Variants in NUDCD1 observed in about 807,000 individuals in gnomAD.
The protein encoded by NUDCD1 is NudC domain containing 1.
NUDCD1 carries 60 observed loss-of-function variants against 67.8 expected under a neutral mutation model. The ratio of observed to expected loss-of-function variants is 0.88; its 90% CI spans 0.72 to 1.10. The LOEUF (loss-of-function observed/expected upper bound fraction) is 1.10, where lower values mean the gene tolerates loss of function less well. Among genes scored for constraint, NUDCD1 ranks in the 50% least tolerant of loss-of-function variants. NUDCD1 has a pLI of 0.00. For synonymous variants in NUDCD1, 244 were observed against 230.8 expected, an observed-to-expected ratio of 1.06 and a Z score of -0.52; for missense variants, 643 against 695.0, an observed-to-expected ratio of 0.93 and a Z score of 0.84.
chr8:109,263,067 A>AC, intron 8 of NUDCD1, among the ~76,000 whole-genome samples: 1 of 150,210 alleles, frequency 6.7e-6, no homozygotes, highest in South Asian at 2.1e-4. Context: ...AAAAAAAAAA[A>AC]AAAAAAAAAA....
rs1287441973 is a variant in NUDCD1 at position 109,254,770 on chromosome 8, T to C, written c.1300-9289A>G. Reference sequence around the variant, plus strand: ...GTCAAAGTGAAGACATTTAGACAACTTTTAATCACTTCTAATACCAAATTA... The same window carrying C: ...GTCAAAGTGAAGACATTTAGACAACCTTTAATCACTTCTAATACCAAATTA... On this transcript the variant is annotated intron_variant, in intron 8 of 9. Coordinates refer to ENST00000239690, the MANE Select transcript of NUDCD1 (RefSeq NM_032869.4). Among the ~76,000 whole-genome samples, 5 of 152,080 alleles carry C rather than the reference T, an allele frequency of 3.3e-5. No individual in the cohort carries two copies. In the East Asian group the frequency reaches 9.6e-4, roughly 29 times the overall value.
At chr8:109,260,587 A>C (rs1186079913) in intron 8 of NUDCD1, among the ~76,000 whole-genome samples, 1 of 152,258 alleles carries the variant, frequency 6.6e-6, no homozygotes. Flanking sequence ...ATCAAATGCA[A>C]TATGAGCCAA....
At position 109,299,638 on chromosome 8, in the gene NUDCD1, T is replaced by A. The variant is rs150516093; in HGVS notation, c.274-3069A>T. 1.8e-3 allele frequency among the ~76,000 whole-genome samples: 269 copies of A among 152,218 alleles called. 1 individual carries two copies. Among genetic ancestry groups the A allele is most frequent in the African/African-American group, 6.2e-3 (258 of 41,524 alleles). The stretch of plus-strand genomic sequence containing the variant: ...GCCTGAGCTCAGACACGCCTAGCCC[T>A]GCCCCCACCCAATGGTCCTTCCCTA... On this transcript the variant is annotated intron_variant, in intron 2 of 9. Transcript: ENST00000239690.
chr8:109,321,940 T>C (rs1586310797), intron 2 of NUDCD1, among the ~76,000 whole-genome samples: 1 of 152,142 alleles, frequency 6.6e-6, no homozygotes, highest in Middle Eastern at 3.2e-3. Flanking sequence ...TAAATGTTTG[T>C]ACCAATTAAC....
chr8:109,301,300 AG>A (rs1249910465), intron 2 of NUDCD1, among the ~76,000 whole-genome samples: 1 of 152,184 alleles, frequency 6.6e-6, no homozygotes, highest in East Asian at 1.9e-4. Context: ...GCCCTTAAGA[AG>A]GTACTTTGTA....
At chr8:109,331,117 T>C (rs1177037050) in intron 1 of NUDCD1, among the ~76,000 whole-genome samples, 1 of 151,284 alleles carries the variant, frequency 6.6e-6, no homozygotes, top group Admixed American at 6.6e-5. Context: ...CCGAGGCAGG[T>C]GGATCGCGAG....
chr8:109,324,960 C>T (rs1005368600), intron 1 of NUDCD1, among the ~76,000 whole-genome samples: 3 of 152,018 alleles, frequency 2.0e-5, no homozygotes, highest in Non-Finnish European at 2.9e-5. Flanking sequence ...TGTGACAGTG[C>T]GTGCCTGTAA....
At chr8:109,296,298 T>A (rs1586287244) in intron 3 of NUDCD1, 86 bp downstream of exon 3, 1 of 1,061,232 alleles carries the variant, frequency 9.4e-7, no homozygotes, top group East Asian at 2.4e-5. Context: ...ATGTAAACCA[T>A]CCTTGAAAAG....
At chr8:109,245,975 A>T (rs920525101) in intron 8 of NUDCD1, among the ~76,000 whole-genome samples, 12 of 152,168 alleles carry the variant, frequency 7.9e-5, no homozygotes, top group Admixed American at 7.2e-4. Context: ...AGATTCTCAC[A>T]GGAGGGTGAA....
chr8:109,322,416 T>G lies in NUDCD1; in HGVS notation c.166A>C (p.Met56Leu). ...LRDDQYTLEH[M>L]HAFGMYNYLH... is the part of the protein sequence containing the mutation. ...TAATTATACATTCCAAAAGCATGCA[T>G]GTGTTCCAGTGTATATTGATCATCT... The change falls in exon 2 of 10, where the codon ATG (methionine) becomes CTG (leucine). Residue 56 changes from methionine (M) to leucine (L), a missense_variant. Physicochemically the swap from Met to Leu is conservative, Grantham distance 15. Coordinates refer to ENST00000239690, the MANE Select transcript of NUDCD1 (RefSeq NM_032869.4). 1.9e-6 allele frequency: 3 copies of G among 1,606,802 alleles called. No individual in the cohort carries two copies. Among genetic ancestry groups the G allele is most frequent in the Non-Finnish European group, 2.6e-6 (3 of 1,174,256 alleles).
intron 8 of NUDCD1, among the ~76,000 whole-genome samples, chr8:109,252,006 G>A (rs1467222305): frequency 6.6e-6 from 1 of 151,902 alleles, no homozygotes. Flanking sequence ...TAATTCATAG[G>A]TTACTCAGTT....
intron 2 of NUDCD1, among the ~76,000 whole-genome samples, chr8:109,306,411 C>T (rs1196756473): frequency 6.6e-6 from 1 of 152,178 alleles, no homozygotes; most frequent in Non-Finnish European, 1.5e-5. Flanking sequence ...CGTTTCTAAT[C>T]CTTCTTTAAG....
chr8:109,257,248 T>C (rs184929728), intron 8 of NUDCD1, among the ~76,000 whole-genome samples: 48 of 152,246 alleles, frequency 3.2e-4, no homozygotes, highest in African/African-American at 1.1e-3. Context: ...ACTGAAATCT[T>C]GGAGTATCTA....
Position 109,257,677 on chromosome 8 carries a change from G to A in NUDCD1, c.1300-12196C>T, listed in dbSNP as rs895982645. On this transcript the variant is annotated intron_variant, in intron 8 of 9. Coordinates refer to ENST00000239690, the MANE Select transcript of NUDCD1 (RefSeq NM_032869.4). ...TCTGAACGGAAACTCCCTGTAACGC[G>A]ACAGTAATCAAGCCAGTATAGTACT... 1.4e-4 allele frequency among the ~76,000 whole-genome samples: 21 copies of A among 152,120 alleles called. No homozygotes were observed. The East Asian group carries it at 2.7e-3, about 20-fold the overall frequency.
Position 109,242,468 on chromosome 8 carries a change from AC to A in NUDCD1, c.*540del, listed in dbSNP as rs1319164926. 1.7e-5 allele frequency: 4 copies of A among 239,122 alleles called. No homozygotes were observed. Among genetic ancestry groups the A allele is most frequent in the Non-Finnish European group, 3.2e-5 (4 of 126,010 alleles). 14.8% of individuals were successfully genotyped at this position (239,122 alleles called of 1,614,324 possible). A position where few individuals can be genotyped will look rare whatever the true frequency, so the allele number is the denominator to read the frequency against. ...GTGGCAGAGCAACTGGCTAAAAGTT[AC>A]ATAAAGCTATACTTAATTTGAAAAT... is the stretch of plus-strand genomic sequence containing the variant. On this transcript the variant is annotated 3_prime_UTR_variant, in exon 10 of 10. Transcript: ENST00000239690.
intron 2 of NUDCD1, among the ~76,000 whole-genome samples, chr8:109,302,637 T>TA (rs1325662170): frequency 6.6e-6 from 1 of 152,174 alleles, no homozygotes; most frequent in East Asian, 1.9e-4. Context: ...GATTTCCTCT[T>TA]AGAGGTGGCT....
chr8:109,302,331 C>T (rs190562659), intron 2 of NUDCD1, among the ~76,000 whole-genome samples: 1 of 152,266 alleles, frequency 6.6e-6, no homozygotes, highest in East Asian at 1.9e-4. Context: ...TTCTTTTACA[C>T]ATCGGTCCCT....
chr8:109,258,323 G>A (rs1813785370), intron 8 of NUDCD1, among the ~76,000 whole-genome samples: 1 of 151,918 alleles, frequency 6.6e-6, no homozygotes, highest in East Asian at 1.9e-4. Flanking sequence ...CACAAATAAG[G>A]TCATTGTATT....
At chr8:109,299,728 G>A (rs1814933150) in intron 2 of NUDCD1, among the ~76,000 whole-genome samples, 1 of 152,128 alleles carries the variant, frequency 6.6e-6, no homozygotes, top group Admixed American at 6.6e-5. Context: ...CATCCACTGT[G>A]TGTTCCTCCC....
Sources: allele counts gnomAD v4.1 joint callset (sites outside exome capture counted in the v4.1 genomes callset), GRCh38; gene constraint gnomAD v4.1.1; transcripts MANE v1.5; gene names NCBI Gene and HGNC (gene_info 2026-07-23, HGNC 2026-07-21).